Variants in RBAK observed in about 807,000 individuals in gnomAD.
RBAK encodes the protein RB-associated KRAB zinc finger protein.
In RBAK, 39 loss-of-function variants were observed where a neutral mutation model predicts 65.8. The ratio of observed to expected loss-of-function variants is 0.59; its 90% confidence interval spans 0.46 to 0.77. The LOEUF is 0.77. RBAK is among the 30% of genes least tolerant of loss of function. RBAK has a pLI of 0.00. For missense variants in RBAK, 884 were observed against 855.1 expected (o/e 1.03, Z -0.42); for synonymous variants, 343 against 289.7 (o/e 1.18, Z -1.87).
chr7:5,051,787 G>C (rs2115028571), intron 2 of RBAK, among the ~76,000 whole-genome samples: 1 of 152,258 alleles, frequency 6.6e-6, no homozygotes, highest in South Asian at 2.1e-4. Flanking sequence ...CACTACATGG[G>C]ACCTCTTAAA....
chr7:5,052,298 A>G (rs1788133019), intron 2 of RBAK, among the ~76,000 whole-genome samples: 1 of 152,180 alleles, frequency 6.6e-6, no homozygotes. Flanking sequence ...GCTTGTTTTC[A>G]TCAGTCTATT....
intron 2 of RBAK, among the ~76,000 whole-genome samples, chr7:5,055,246 ATG>A (rs71535173): frequency 0.072 from 10,491 of 146,690 alleles, 357 homozygotes; most frequent in Middle Eastern, 0.088. Flanking sequence ...TGAGGCATAA[ATG>A]TGTGTGTGTG....
At position 5,048,181 on chromosome 7, in the gene RBAK, CTT is replaced by C; in HGVS notation, c.15+98_15+99del. The C allele has an allele frequency of 7.0e-7, 1 of 1,423,256 alleles. No homozygotes were observed. 88.2% of individuals were successfully genotyped at this position (1,423,256 alleles called of 1,614,324 possible). On this transcript the variant is annotated intron_variant, in intron 2 of 4. Coordinates refer to ENST00000396912, the MANE Select transcript of RBAK (RefSeq NM_021163.4). This position sits in a 1 kb window ranked among gnomAD's most constrained non-coding sequence, Gnocchi z 4.4. ...TAAGGATTCTTACCTTTTTTTTTTTCTTTTTTTTTGAGATGGAGTCTTGCTCT... is the reference window on the plus strand; with the variant it reads ...TAAGGATTCTTACCTTTTTTTTTTTCTTTTTTTGAGATGGAGTCTTGCTCT...
chr7:5,048,103 T>A lies in RBAK; in HGVS notation c.15+12T>A, dbSNP rs778882789. 6.3e-7 allele frequency: 1 copy of A among 1,593,696 alleles called. No individual in the cohort carries two copies. Among genetic ancestry groups the A allele is most frequent in the Non-Finnish European group, 8.5e-7 (1 of 1,169,854 alleles). On this transcript the variant is annotated intron_variant, in intron 2 of 4. Transcript: ENST00000396912. The surrounding 1 kb of genome is among the most constrained non-coding windows in gnomAD (Gnocchi z 4.4). ...TGAACACATTGCAGGTGAGTTTTCATGCTTGTGTATATGTTCCTCAACTTT... is the reference window on the plus strand; with the variant it reads ...TGAACACATTGCAGGTGAGTTTTCAAGCTTGTGTATATGTTCCTCAACTTT...
intron 1 of RBAK, 125 bp downstream of exon 1, chr7:5,046,521 T>C (rs1787988554): frequency 2.7e-6 from 1 of 364,102 alleles, no homozygotes; most frequent in Non-Finnish European, 5.4e-6. Flanking sequence ...TGTGTTTGGG[T>C]TTGAGGGCAG....
Position 5,065,409 on chromosome 7 carries a change from T to G in RBAK, c.1953T>G (p.Tyr651Ter). The stretch of plus-strand genomic sequence containing the variant: ...GAAGCCATTCAGGAGAGAAACCCTA[T>G]GAATGTAATGAATGTGGGAAAGTCT... Reference protein sequence around the residue: ...HYRSHSGEKPYECNECGKVFS... With the variant: ...HYRSHSGEKP Residue 651 changes from tyrosine (Y) to a stop codon, truncating the protein, a stop_gained, in exon 5 of 5, where the codon TAT becomes TAG. Coordinates refer to ENST00000396912, the MANE Select transcript of RBAK (RefSeq NM_021163.4). LOFTEE classifies it high-confidence loss of function. This position sits in a 1 kb window ranked among gnomAD's most constrained non-coding sequence, Gnocchi z 5.3. 6.2e-7 allele frequency: 1 copy of G among 1,613,954 alleles called. No individual in the cohort carries two copies. The highest frequency in any genetic ancestry group is 8.5e-7 in the Non-Finnish European group (1 of 1,179,886).
At chr7:5,058,029 T>G (rs920460455) in intron 4 of RBAK, among the ~76,000 whole-genome samples, 4 of 151,872 alleles carry the variant, frequency 2.6e-5, no homozygotes, top group Admixed American at 2.6e-4. Flanking sequence ...ATTGGTAACT[T>G]ATTTACTCCC....
chr7:5,055,312 T>C (rs1344609966), intron 2 of RBAK, among the ~76,000 whole-genome samples: 1 of 152,080 alleles, frequency 6.6e-6, no homozygotes, highest in East Asian at 1.9e-4. Flanking sequence ...ACTGTATATA[T>C]ATGTGCTTGT....
chr7:5,061,514 C>T (rs1779071104), intron 4 of RBAK, among the ~76,000 whole-genome samples: 1 of 146,560 alleles, frequency 6.8e-6, no homozygotes, highest in Non-Finnish European at 1.5e-5. Flanking sequence ...TGGTCTTAAA[C>T]TCCTGAGCTC....
At chr7:5,050,417 G>C (rs755693658) in intron 2 of RBAK, among the ~76,000 whole-genome samples, 2 of 152,110 alleles carry the variant, frequency 1.3e-5, no homozygotes, top group Non-Finnish European at 2.9e-5. Context: ...TGTACCGTAC[G>C]TGGCATTTGT....
At position 5,063,687 on chromosome 7, in the gene RBAK, C is replaced by G; in HGVS notation, c.239-8C>G. On this transcript the variant is annotated splice_polypyrimidine_tract_variant and splice_region_variant and intron_variant, in intron 4 of 4. Transcript: ENST00000396912. ...TTACAAAGTTTGTTTACTATTTTTC[C>G]TTTTTAGAAGCCTGGAGAGTTGATG... The G allele has an allele frequency of 6.4e-7, 1 of 1,567,536 alleles. No homozygotes were observed. The highest frequency in any genetic ancestry group is 8.6e-7 in the Non-Finnish European group (1 of 1,161,566).
intron 4 of RBAK, among the ~76,000 whole-genome samples, chr7:5,059,763 G>A (rs147947869): frequency 1.2e-4 from 18 of 152,218 alleles, no homozygotes; most frequent in African/African-American, 4.1e-4. Flanking sequence ...AGGATTATAT[G>A]CTCTAAGATC....
At chr7:5,053,869 C>T (rs1788168021) in intron 2 of RBAK, among the ~76,000 whole-genome samples, 1 of 152,162 alleles carries the variant, frequency 6.6e-6, no homozygotes, top group Non-Finnish European at 1.5e-5. Context: ...TCTCTCAGTG[C>T]TCTGTGTGGG....
intron 2 of RBAK, among the ~76,000 whole-genome samples, chr7:5,050,096 C>T (rs1788083457): frequency 6.6e-6 from 1 of 152,156 alleles, no homozygotes; most frequent in African/African-American, 2.4e-5. Flanking sequence ...TTTGGCCTCC[C>T]AAAGTGCTAG....
intron 2 of RBAK, among the ~76,000 whole-genome samples, chr7:5,055,184 G>T (rs1788200091): frequency 6.6e-6 from 1 of 151,880 alleles, no homozygotes; most frequent in Non-Finnish European, 1.5e-5. Context: ...TAGTAGGAAG[G>T]TATGTAGTTT....
chr7:5,063,893 C>A lies in RBAK; in HGVS notation c.437C>A (p.Ser146Tyr). The change falls in exon 5 of 5, where the codon TCT becomes TAT. Residue 146 changes from serine (S) to tyrosine (Y), a missense_variant. Transcript: ENST00000396912. ...NCVSCGKNLE[S>Y]ISQLISSDGS... ...GTCTCATGTGGAAAGAATTTAGAAT[C>A]TATTTCGCAATTAATTAGTAGTGAT... 6.2e-7 allele frequency: 1 copy of A among 1,614,006 alleles called. No homozygotes were observed. The highest frequency in any genetic ancestry group is 8.5e-7 in the Non-Finnish European group (1 of 1,179,948).
At chr7:5,054,365 A>G (rs905340583) in intron 2 of RBAK, among the ~76,000 whole-genome samples, 5 of 150,172 alleles carry the variant, frequency 3.3e-5, no homozygotes, top group Non-Finnish European at 7.4e-5. Context: ...AGATTGTGCC[A>G]TTGCACTCCA....
intron 2 of RBAK, among the ~76,000 whole-genome samples, chr7:5,051,334 G>A (rs1788112772): frequency 6.6e-6 from 1 of 152,016 alleles, no homozygotes; most frequent in African/African-American, 2.4e-5. Context: ...ATACATATAT[G>A]TGTGTACATA....
intron 2 of RBAK, among the ~76,000 whole-genome samples, chr7:5,053,628 C>T (rs1054584948): frequency 6.6e-6 from 1 of 152,210 alleles, no homozygotes; most frequent in African/African-American, 2.4e-5. Context: ...TTTCCCACAA[C>T]ACACTGTTGC....
Sources: gnomAD v4.1 joint callset for allele counts (sites outside exome capture counted in the v4.1 genomes callset) on GRCh38, gnomAD v4.1.1 for gene constraint, Gnocchi (gnomAD v3.1) non-coding constraint, MANE v1.5 for transcripts, NCBI Gene and HGNC (gene_info 2026-07-23, HGNC 2026-07-21) for gene names.